RBFOX1: variants seen among roughly 807,000 people sequenced by gnomAD.
The protein encoded by RBFOX1 is RNA binding protein fox-1 homolog 1.
RBFOX1 carries 8 observed loss-of-function variants against 57.7 expected under a neutral mutation model. The observed-to-expected ratio is 0.14, with a 90% CI of 0.08 to 0.25. RBFOX1 has a LOEUF of 0.25. Among genes scored for constraint, RBFOX1 ranks in the 10% least tolerant of loss-of-function variants. The pLI is 1.00. For synonymous variants in RBFOX1, 326 were observed against 222.4 expected, an observed-to-expected ratio of 1.47 and a Z score of -4.15; for missense variants, 611 against 548.5, an observed-to-expected ratio of 1.11 and a Z score of -1.14.
At chr16:7,238,555 C>G (rs1220523737) in intron 4 of RBFOX1, among the ~76,000 whole-genome samples, 1 of 152,124 alleles carries the variant, frequency 6.6e-6, no homozygotes, top group African/African-American at 2.4e-5. Context: ...TTTAGGAAAG[C>G]CTACTTCTGT....
At chr16:6,801,610 A>G (rs1367357470) in intron 3 of RBFOX1, among the ~76,000 whole-genome samples, 5 of 152,100 alleles carry the variant, frequency 3.3e-5, no homozygotes, top group African/African-American at 1.2e-4. Context: ...CAGGAGACTC[A>G]TGTGTCCATC....
intron 4 of RBFOX1, among the ~76,000 whole-genome samples, chr16:7,390,170 C>G (rs1222964437): frequency 6.6e-6 from 1 of 152,112 alleles, no homozygotes; most frequent in Non-Finnish European, 1.5e-5. Flanking sequence ...AAAAGAACAG[C>G]AAGGGGGATG....
chr16:6,407,543 G>GTT (rs2093326272), intron 2 of RBFOX1, among the ~76,000 whole-genome samples: 1 of 75,878 alleles, frequency 1.3e-5, no homozygotes, highest in African/African-American at 7.8e-5. Context: ...GGAGAGGGGT[G>GTT]TGTGTGTGTG....
intron 4 of RBFOX1, among the ~76,000 whole-genome samples, chr16:5,987,184 G>A (rs777549378): frequency 5.3e-5 from 8 of 151,994 alleles, no homozygotes; most frequent in Non-Finnish European, 1.0e-4. Flanking sequence ...TTATTGAATT[G>A]TTTGTTCACA....
chr16:6,500,954 C>G (rs2095899395), intron 2 of RBFOX1, among the ~76,000 whole-genome samples: 1 of 141,610 alleles, frequency 7.1e-6, no homozygotes, highest in African/African-American at 2.6e-5. Context: ...TGTTGCTGGA[C>G]CAGCCATGTT....
intron 3 of RBFOX1, among the ~76,000 whole-genome samples, chr16:7,051,089 G>T (rs1331412186): frequency 6.6e-6 from 1 of 151,982 alleles, no homozygotes; most frequent in Non-Finnish European, 1.5e-5. Context: ...ACAGTATATT[G>T]TCTGGTCCTG....
chr16:6,126,503 T>G (rs1239592557), intron 1 of RBFOX1, among the ~76,000 whole-genome samples: 2 of 152,206 alleles, frequency 1.3e-5, no homozygotes, highest in African/African-American at 4.8e-5. Context: ...GATAGTTATG[T>G]AATATGCCGA....
chr16:7,298,679 G>T (rs985700844), intron 4 of RBFOX1, among the ~76,000 whole-genome samples: 3 of 152,176 alleles, frequency 2.0e-5, no homozygotes, highest in African/African-American at 7.2e-5. Flanking sequence ...AACGTATTTT[G>T]TATGTTACAT....
chr16:5,543,245 G>A (rs9927285), intron 2 of RBFOX1, among the ~76,000 whole-genome samples: 9 of 152,028 alleles, frequency 5.9e-5, no homozygotes, highest in African/African-American at 1.9e-4. Flanking sequence ...GTAGAAACAT[G>A]TATCAGTTGG....
At chr16:5,582,395 G>T (rs1481998337) in intron 2 of RBFOX1, among the ~76,000 whole-genome samples, 2 of 152,140 alleles carry the variant, frequency 1.3e-5, no homozygotes, top group Non-Finnish European at 2.9e-5. Context: ...TGGCCGTCGT[G>T]ATTGGCATTG....
At chr16:6,395,669 T>A (rs2092799262) in intron 2 of RBFOX1, among the ~76,000 whole-genome samples, 1 of 152,204 alleles carries the variant, frequency 6.6e-6, no homozygotes, top group Non-Finnish European at 1.5e-5. Context: ...TCCTTGTGTA[T>A]ATATCAAGTT....
intron 4 of RBFOX1, among the ~76,000 whole-genome samples, chr16:7,268,898 G>C (rs374413614): frequency 3.3e-5 from 5 of 151,766 alleles, no homozygotes; most frequent in African/African-American, 1.2e-4. Flanking sequence ...TTAGCCAAGC[G>C]TGGTGGCAAA....
intron 3 of RBFOX1, among the ~76,000 whole-genome samples, chr16:6,982,367 T>C (rs1004480049): frequency 1.3e-5 from 2 of 152,222 alleles, no homozygotes; most frequent in Non-Finnish European, 2.9e-5. Flanking sequence ...TTGTTGGTTT[T>C]ATTAGTGAGA....
intron 4 of RBFOX1, among the ~76,000 whole-genome samples, chr16:5,902,984 TCCCCCA>T (rs906016426): frequency 2.0e-5 from 3 of 152,026 alleles, no homozygotes; most frequent in Non-Finnish European, 4.4e-5. Context: ...GTTTCTAAAC[TCCCCCA>T]CCCTCAACAA....
chr16:6,875,269 G>C (rs1388981421), intron 3 of RBFOX1, among the ~76,000 whole-genome samples: 1 of 152,010 alleles, frequency 6.6e-6, no homozygotes, highest in African/African-American at 2.4e-5. Context: ...AAGACTCTTC[G>C]GTTGTCTAAA....
At chr16:5,603,165 T>A (rs2047424157), downstream of RBFOX1, among the ~76,000 whole-genome samples, 1 of 152,212 alleles carries the variant, frequency 6.6e-6, no homozygotes, top group Admixed American at 6.5e-5. Context: ...AGAAAGGGCT[T>A]TCCCTGGATG....
chr16:7,446,798 A>ATTTT (rs34580591), intron 4 of RBFOX1, among the ~76,000 whole-genome samples: 7 of 49,016 alleles, frequency 1.4e-4, no homozygotes, highest in Non-Finnish European at 2.4e-4. Context: ...AGGTCTAGGT[A>ATTTT]TTTTTTTTTT....
chr16:7,650,236 C>T (rs1390517591), intron 11 of RBFOX1, among the ~76,000 whole-genome samples: 1 of 151,920 alleles, frequency 6.6e-6, no homozygotes, highest in African/African-American at 2.4e-5. Context: ...CTGAAAATAC[C>T]AACCACCCAG....
rs1439140964 is a variant in RBFOX1, at chr16:6,859,136, TATAC to T, written c.-15-192920_-15-192917del. Among the ~76,000 whole-genome samples, 59 of 102,696 alleles carry T rather than the reference TATAC, an allele frequency of 5.7e-4. 3 individuals carry two copies. Among genetic ancestry groups the T allele is most frequent in the African/African-American group, 2.1e-3 (50 of 23,274 alleles). 67.4% of individuals were successfully genotyped at this position (102,696 alleles called of 152,430 possible). A position where few individuals can be genotyped will look rare whatever the true frequency, so the allele number is the denominator to read the frequency against. On this transcript the variant is annotated intron_variant, in intron 3 of 15. Coordinates refer to ENST00000550418, the MANE Select transcript of RBFOX1 (RefSeq NM_018723.4). ...GTATATATATATATATATACATATA[TATAC>T]GTATATATATATGTATATATATACG... is the stretch of plus-strand genomic sequence containing the variant.
Sources: allele counts gnomAD v4.1 joint callset (sites outside exome capture counted in the v4.1 genomes callset), GRCh38; gene constraint gnomAD v4.1.1; transcripts MANE v1.5; gene names NCBI Gene and HGNC (gene_info 2026-07-23, HGNC 2026-07-21).